GSK3B: variants seen among roughly 807,000 people sequenced by gnomAD.
The protein encoded by GSK3B is glycogen synthase kinase-3 beta.
A neutral mutation model predicts 56.4 loss-of-function variants in GSK3B; 15 were observed. That is an observed-to-expected ratio of 0.27 (90% CI 0.18 to 0.41). GSK3B has a LOEUF of 0.41. GSK3B is among the 10% of genes least tolerant of loss of function. GSK3B has a pLI of 1.00. For synonymous variants in GSK3B, 181 were observed against 188.9 expected, an observed-to-expected ratio of 0.96 and a Z score of 0.34; for missense variants, 300 against 513.4, an observed-to-expected ratio of 0.58 and a Z score of 4.02.
chr3:120,035,050 G>A (rs887468267), intron 1 of GSK3B, among the ~76,000 whole-genome samples: 10 of 151,950 alleles, frequency 6.6e-5, no homozygotes, highest in African/African-American at 2.4e-4. Context: ...CTGAGATCGT[G>A]CCACTGCACT....
intron 10 of GSK3B, among the ~76,000 whole-genome samples, chr3:119,835,260 G>C (rs894987654): frequency 6.6e-6 from 1 of 152,092 alleles, no homozygotes; most frequent in Non-Finnish European, 1.5e-5. Context: ...AACTGACAGC[G>C]GGACAAACTT....
intron 3 of GSK3B, among the ~76,000 whole-genome samples, chr3:119,943,737 C>A (rs1007867324): frequency 1.3e-5 from 2 of 150,850 alleles, no homozygotes; most frequent in African/African-American, 4.9e-5. Context: ...GATGGAGACC[C>A]ATAAAAAGGA....
At chr3:119,922,136 G>C (rs187272042) in intron 4 of GSK3B, among the ~76,000 whole-genome samples, 1 of 150,570 alleles carries the variant, frequency 6.6e-6, no homozygotes, top group Non-Finnish European at 1.5e-5. Context: ...AATGAAGGAA[G>C]GAAGGAAGGA....
At chr3:119,880,053 C>T (rs544735236) in intron 7 of GSK3B, among the ~76,000 whole-genome samples, 180 of 152,184 alleles carry the variant, frequency 1.2e-3, no homozygotes, top group South Asian at 9.3e-3. Flanking sequence ...AACTGTTCTC[C>T]ATGGAAGCAG....
At chr3:120,036,823 T>G (rs929434736) in intron 1 of GSK3B, among the ~76,000 whole-genome samples, 6 of 145,996 alleles carry the variant, frequency 4.1e-5, no homozygotes, top group East Asian at 2.0e-4. Context: ...AGCAGATCTA[T>G]GCCATCTAGC....
intron 9 of GSK3B, among the ~76,000 whole-genome samples, chr3:119,862,251 A>G (rs543971240): frequency 3.4e-5 from 5 of 144,980 alleles, no homozygotes; most frequent in African/African-American, 1.3e-4. Context: ...GGAAACCATC[A>G]TTCTCAGTAA....
chr3:120,052,734 C>G (rs1217874032), intron 1 of GSK3B, among the ~76,000 whole-genome samples: 3 of 152,148 alleles, frequency 2.0e-5, no homozygotes, highest in Non-Finnish European at 4.4e-5. Context: ...TCTTTCTAAT[C>G]AAGAAGACTT....
chr3:119,934,445 C>T (rs572736421), intron 3 of GSK3B, among the ~76,000 whole-genome samples: 5 of 152,252 alleles, frequency 3.3e-5, no homozygotes, highest in African/African-American at 9.6e-5. Flanking sequence ...AAAAAACTGT[C>T]GAGATCATCA....
chr3:119,842,309 C>T (rs577378256), intron 10 of GSK3B, among the ~76,000 whole-genome samples: 137 of 152,178 alleles, frequency 9.0e-4, no homozygotes, highest in African/African-American at 3.2e-3. Context: ...AGCTCTAACC[C>T]GTGAATAATT....
chr3:119,828,771 T>C (rs2055556160), intron 10 of GSK3B, among the ~76,000 whole-genome samples: 1 of 152,104 alleles, frequency 6.6e-6, no homozygotes, highest in Admixed American at 6.5e-5. Flanking sequence ...AAGCTGCCCT[T>C]ATATACATTT....
intron 9 of GSK3B, among the ~76,000 whole-genome samples, chr3:119,861,880 T>C (rs2056107911): frequency 6.6e-6 from 1 of 152,196 alleles, no homozygotes; most frequent in Non-Finnish European, 1.5e-5. Context: ...TACATGACTG[T>C]GTTTACAGGG....
rs555810950 is a variant in GSK3B, at chr3:119,844,569, A to G, written c.1097-1216T>C. Among the ~76,000 whole-genome samples, 43 of 152,368 alleles carry G rather than the reference A, an allele frequency of 2.8e-4. No homozygotes were observed. In the South Asian group the frequency reaches 3.7e-3, roughly 13 times the overall value. On this transcript the variant is annotated intron_variant, in intron 9 of 10. Transcript: ENST00000264235. ...ATAAACAGCTCTACGCAAATAAACT[A>G]GAAAATCTAGAAGAAATGGATAAAT...
intron 2 of GSK3B, among the ~76,000 whole-genome samples, chr3:119,954,372 T>G (rs1052810375): frequency 2.0e-5 from 3 of 152,070 alleles, no homozygotes; most frequent in African/African-American, 7.2e-5. Flanking sequence ...TAGAATAGAA[T>G]GGAATAGAAT....
chr3:119,836,026 T>A (rs967655486), intron 10 of GSK3B, among the ~76,000 whole-genome samples: 1 of 152,156 alleles, frequency 6.6e-6, no homozygotes, highest in Non-Finnish European at 1.5e-5. Flanking sequence ...CTAAAAAGAA[T>A]TGGCTGGTAT....
At chr3:120,063,426 ACATACAAAAAT>A (rs1472947875) in intron 1 of GSK3B, among the ~76,000 whole-genome samples, 1 of 151,818 alleles carries the variant, frequency 6.6e-6, no homozygotes, top group Non-Finnish European at 1.5e-5. Flanking sequence ...GGAACTGTTT[ACATACAAAAAT>A]CAGTGCTGGC....
chr3:120,019,693 A>G (rs1176946265), intron 1 of GSK3B, among the ~76,000 whole-genome samples: 2 of 152,226 alleles, frequency 1.3e-5, no homozygotes, highest in East Asian at 3.8e-4. Flanking sequence ...AAATGCCAGC[A>G]ACCTATAAAG....
chr3:119,821,618 A>G lies in GSK3B; in HGVS notation c.*5170T>C, dbSNP rs1559794496. On this transcript the variant is annotated 3_prime_UTR_variant, in exon 11 of 11. Transcript: ENST00000264235. The stretch of plus-strand genomic sequence containing the variant: ...AAAGAAAATACAGCCACACCAAATC[A>G]TGAACACAGTAATCAAAGACAGCAG... 6.6e-6 allele frequency: 1 copy of G among 152,244 alleles called. No individual in the cohort carries two copies. The highest frequency in any genetic ancestry group is 1.5e-5 in the Non-Finnish European group (1 of 68,060). The allele number at this position is 152,244 out of a possible 1,614,324, so 9.4% of individuals were successfully genotyped here. A position where few individuals can be genotyped will look rare whatever the true frequency, so the allele number is the denominator to read the frequency against.
At chr3:119,989,681 T>TA (rs908584158) in intron 2 of GSK3B, among the ~76,000 whole-genome samples, 4 of 149,518 alleles carry the variant, frequency 2.7e-5, no homozygotes, top group African/African-American at 9.9e-5. Context: ...GCTAAGGAAA[T>TA]ATCTAAACAA....
intron 2 of GSK3B, among the ~76,000 whole-genome samples, chr3:119,954,865 C>T (rs1008552652): frequency 1.3e-5 from 2 of 152,044 alleles, no homozygotes; most frequent in African/African-American, 4.8e-5. Context: ...TATTTTTGTA[C>T]CATTACATAA....
Sources: gnomAD v4.1 joint callset for allele counts (sites outside exome capture counted in the v4.1 genomes callset) on GRCh38, gnomAD v4.1.1 for gene constraint, MANE v1.5 for transcripts, NCBI Gene and HGNC (gene_info 2026-07-23, HGNC 2026-07-21) for gene names.